The following ZCCHC17 variants were observed in gnomAD, a reference collection of about 807,000 sequenced individuals.
The protein encoded by ZCCHC17 is zinc finger CCHC domain-containing protein 17.
In ZCCHC17, 18 loss-of-function variants were observed where a neutral mutation model predicts 30.6. That is an observed-to-expected ratio of 0.59 (90% CI 0.41 to 0.87). ZCCHC17 has a LOEUF of 0.87. ZCCHC17 is among the 40% of genes least tolerant of loss of function. The probability of loss-of-function intolerance (pLI) is 0.00; values close to 1 mark genes in which losing one functional copy is unlikely to be tolerated. For synonymous variants in ZCCHC17, 88 were observed against 92.4 expected (o/e 0.95, Z 0.27); for missense variants, 263 against 284.2 (o/e 0.93, Z 0.54).
chr1:31,316,558 A>C (rs1646737811), intron 2 of ZCCHC17, among the ~76,000 whole-genome samples: 1 of 152,224 alleles, frequency 6.6e-6, no homozygotes, highest in South Asian at 2.1e-4. Flanking sequence ...TTCAATTAAA[A>C]ATTGGGAGAC....
intron 7 of ZCCHC17, among the ~76,000 whole-genome samples, chr1:31,350,132 A>G (rs1398708198): frequency 6.6e-6 from 1 of 152,216 alleles, no homozygotes; most frequent in Non-Finnish European, 1.5e-5. Context: ...CTACACAGAC[A>G]ATAAAAACTA....
chr1:31,345,058 A>C (rs963335738), intron 5 of ZCCHC17, among the ~76,000 whole-genome samples: 1 of 147,246 alleles, frequency 6.8e-6, no homozygotes, highest in Non-Finnish European at 1.5e-5. Flanking sequence ...AGGAATCTGT[A>C]CTGTTAGAAA....
chr1:31,360,786 G>T (rs1460042320), intron 7 of ZCCHC17, among the ~76,000 whole-genome samples: 1 of 152,204 alleles, frequency 6.6e-6, no homozygotes, highest in Admixed American at 6.5e-5. Flanking sequence ...TGCCGCTTTA[G>T]CCTTGGTCGA....
intron 7 of ZCCHC17, among the ~76,000 whole-genome samples, chr1:31,353,056 T>C (rs1440976277): frequency 6.6e-6 from 1 of 152,188 alleles, no homozygotes; most frequent in African/African-American, 2.4e-5. Context: ...TTTTGGAGAG[T>C]AGCCATCCTA....
rs1362300366 is a variant in ZCCHC17 at position 31,339,037 on chromosome 1, T to A, written c.306T>A (p.Asn102Lys). The A allele has an allele frequency of 2.5e-6, 4 of 1,606,324 alleles. No homozygotes were observed. Among genetic ancestry groups the A allele is most frequent in the Non-Finnish European group, 3.4e-6 (4 of 1,177,618 alleles). The stretch of plus-strand genomic sequence containing the variant: ...CTGGGAAAGACCTTGATCCCAACAA[T>A]GTTATCATTGAGTAAGTAAAAGGTT... The part of the protein sequence containing the change: ...QGTGKDLDPN[N>K]VIIEQEERRR... The change falls in exon 5 of 8, where the codon AAT (asparagine) becomes AAA (lysine). Residue 102 changes from asparagine (N) to lysine (K), a missense_variant. Physicochemically the swap from Asn to Lys is moderately conservative, Grantham distance 94. Coordinates refer to ENST00000344147, the MANE Select transcript of ZCCHC17 (RefSeq NM_016505.4).
intron 1 of ZCCHC17, among the ~76,000 whole-genome samples, chr1:31,298,697 T>G (rs1646233849): frequency 6.6e-6 from 1 of 152,314 alleles, no homozygotes; most frequent in Middle Eastern, 3.4e-3. Context: ...GATCAGTTTT[T>G]ATTGATTGAT....
At chr1:31,308,427 A>T (rs1646519316) in intron 1 of ZCCHC17, among the ~76,000 whole-genome samples, 1 of 152,206 alleles carries the variant, frequency 6.6e-6, no homozygotes. Flanking sequence ...TGGTCATTGT[A>T]AATCGGGAAT....
chr1:31,349,052 G>C (rs542242077), intron 7 of ZCCHC17, 78 bp downstream of exon 7: 1 of 1,469,608 alleles, frequency 6.8e-7, no homozygotes, highest in Non-Finnish European at 9.1e-7. Flanking sequence ...TCATGCAGCA[G>C]TACACACCTG....
At chr1:31,350,526 C>T (rs932133041) in intron 7 of ZCCHC17, among the ~76,000 whole-genome samples, 1 of 152,016 alleles carries the variant, frequency 6.6e-6, no homozygotes, top group African/African-American at 2.4e-5. Context: ...CAAACTTTGG[C>T]TGGAGTCAGT....
At chr1:31,317,716 C>T (rs1472007463) in intron 2 of ZCCHC17, among the ~76,000 whole-genome samples, 1 of 152,184 alleles carries the variant, frequency 6.6e-6, no homozygotes, top group African/African-American at 2.4e-5. Flanking sequence ...CACGCTCCAG[C>T]CTCAGCCTCT....
intron 2 of ZCCHC17, among the ~76,000 whole-genome samples, chr1:31,315,564 T>C (rs998298357): frequency 1.3e-5 from 2 of 152,270 alleles, no homozygotes; most frequent in African/African-American, 2.4e-5. Flanking sequence ...CGAAATAGCA[T>C]TGGACTAGAA....
chr1:31,327,825 G>C (rs1260101890), intron 3 of ZCCHC17, among the ~76,000 whole-genome samples: 1 of 152,110 alleles, frequency 6.6e-6, no homozygotes, highest in Admixed American at 6.5e-5. Context: ...GGAAAAACAG[G>C]GACCCCTAGA....
intron 5 of ZCCHC17, among the ~76,000 whole-genome samples, chr1:31,339,604 G>T (rs913942621): frequency 6.6e-6 from 1 of 152,228 alleles, no homozygotes; most frequent in African/African-American, 2.4e-5. Context: ...TGGCATTGGA[G>T]TGCTCCATCA....
intron 7 of ZCCHC17, among the ~76,000 whole-genome samples, chr1:31,354,671 G>C (rs1639581108): frequency 1.3e-5 from 2 of 152,060 alleles, no homozygotes; most frequent in Non-Finnish European, 2.9e-5. Context: ...AATATATTGA[G>C]TATAATTTGT....
intron 5 of ZCCHC17, among the ~76,000 whole-genome samples, chr1:31,341,852 G>C (rs761528362): frequency 1.2e-4 from 19 of 152,176 alleles, no homozygotes; most frequent in Non-Finnish European, 2.1e-4. Context: ...CATACATGTA[G>C]CTACTTGTAG....
intron 1 of ZCCHC17, among the ~76,000 whole-genome samples, chr1:31,309,555 G>A (rs934375840): frequency 4.6e-5 from 7 of 152,084 alleles, no homozygotes; most frequent in African/African-American, 1.7e-4. Context: ...TCCTGAGATC[G>A]TCCGACCTCA....
At chr1:31,335,156 C>T (rs1638766692) in intron 3 of ZCCHC17, among the ~76,000 whole-genome samples, 1 of 152,148 alleles carries the variant, frequency 6.6e-6, no homozygotes, top group Non-Finnish European at 1.5e-5. Flanking sequence ...GTTTATACTC[C>T]CAGGGCTTTG....
At chr1:31,337,136 T>C (rs1638851363) in intron 3 of ZCCHC17, 39 bp from the exon 4 acceptor site, 5 of 1,568,156 alleles carry the variant, frequency 3.2e-6, no homozygotes, top group African/African-American at 1.4e-5. Flanking sequence ...ATACCAGATA[T>C]GCCCTCTGCT....
At chr1:31,352,859 A>G (rs984766115) in intron 7 of ZCCHC17, among the ~76,000 whole-genome samples, 3 of 152,216 alleles carry the variant, frequency 2.0e-5, no homozygotes, top group African/African-American at 2.4e-5. Flanking sequence ...GGATGTATAA[A>G]TATCTCTGAG....
Sources: gnomAD v4.1 joint callset for allele counts (sites outside exome capture counted in the v4.1 genomes callset) on GRCh38, gnomAD v4.1.1 for gene constraint, MANE v1.5 for transcripts, NCBI Gene and HGNC (gene_info 2026-07-23, HGNC 2026-07-21) for gene names.